The following SGCD variants were observed in gnomAD, a reference collection of about 807,000 sequenced individuals.
SGCD encodes sarcoglycan delta, also known as delta-sarcoglycan.
A neutral mutation model predicts 36.6 loss-of-function variants in SGCD; 18 were observed. The observed-to-expected ratio is 0.49, with a 90% CI of 0.34 to 0.73. The LOEUF (loss-of-function observed/expected upper bound fraction) is 0.73. Among genes scored for constraint, SGCD ranks in the 30% least tolerant of loss-of-function variants. SGCD has a pLI of 0.01. For missense variants in SGCD, 387 were observed against 346.7 expected (o/e 1.12, Z -0.92); for synonymous variants, 133 against 130.6 (o/e 1.02, Z -0.12).
intron 3 of SGCD, among the ~76,000 whole-genome samples, chr5:156,174,673 T>G (rs1206876598): frequency 6.6e-6 from 1 of 152,196 alleles, no homozygotes; most frequent in Non-Finnish European, 1.5e-5. Flanking sequence ...TTATGGTACA[T>G]AAAGTGAGGG....
chr5:156,076,913 A>G (rs1040249541), intron 1 of SGCD, among the ~76,000 whole-genome samples: 1 of 152,086 alleles, frequency 6.6e-6, no homozygotes, highest in Non-Finnish European at 1.5e-5. Context: ...AATTATTGCT[A>G]TTTCTTTGTT....
At chr5:156,138,278 G>A (rs936942866) in intron 3 of SGCD, among the ~76,000 whole-genome samples, 2 of 152,188 alleles carry the variant, frequency 1.3e-5, no homozygotes, top group Non-Finnish European at 2.9e-5. Context: ...GTGCATGCCT[G>A]TAATCCCAGC....
At chr5:156,640,111 A>T (rs912149855) in intron 6 of SGCD, among the ~76,000 whole-genome samples, 10 of 152,042 alleles carry the variant, frequency 6.6e-5, no homozygotes, top group African/African-American at 2.4e-4. Context: ...ACTTCATAGC[A>T]TTTACAACAG....
At chr5:155,844,159 G>A in the SGCD span, among the ~76,000 whole-genome samples, 2 of 152,092 alleles carry the variant, frequency 1.3e-5, no homozygotes, top group East Asian at 3.9e-4. Context: ...CTTATCTGAA[G>A]TTTGTATTGT....
the SGCD span, among the ~76,000 whole-genome samples, chr5:155,748,891 T>TGGTC: frequency 1.3e-5 from 2 of 152,212 alleles, no homozygotes; most frequent in Non-Finnish European, 2.9e-5. Context: ...CTGATCAAAC[T>TGGTC]GGTCCTCACA....
At chr5:155,963,047 G>C (rs1440085860) in intron 1 of SGCD, among the ~76,000 whole-genome samples, 1 of 152,084 alleles carries the variant, frequency 6.6e-6, no homozygotes, top group East Asian at 1.9e-4. Context: ...ATTTGGCTCT[G>C]AACTAAGTTG....
chr5:155,732,910 G>A, the SGCD span, among the ~76,000 whole-genome samples: 42 of 152,050 alleles, frequency 2.8e-4, no homozygotes, highest in South Asian at 2.1e-4. Flanking sequence ...AACTCCATGC[G>A]TGTTGCAGCC....
chr5:155,942,334 G>GTATGTATCTATCTATCTATC lies in SGCD; in HGVS notation c.-282+71913_-282+71914insGTATCTATCTATCTATCTAT, dbSNP rs779514666. Among the ~76,000 whole-genome samples the GTATGTATCTATCTATCTATC allele has an allele frequency of 7.4e-4, 103 of 138,490 alleles. 2 individuals are homozygous for GTATGTATCTATCTATCTATC. The highest frequency in any genetic ancestry group is 3.7e-3 in the East Asian group (17 of 4,562). 90.9% of individuals were successfully genotyped at this position (138,490 alleles called of 152,430 possible). On this transcript the variant is annotated intron_variant, in intron 1 of 9. Transcript: ENST00000517913. ...TGTATGTATGTATGTATGTATGTAT[G>GTATGTATCTATCTATCTATC]TATCTATCTATCTATCTATCTATCT...
At chr5:156,407,744 G>A (rs1772501158) in intron 3 of SGCD, among the ~76,000 whole-genome samples, 3 of 152,272 alleles carry the variant, frequency 2.0e-5, no homozygotes, top group South Asian at 4.1e-4. Flanking sequence ...AGGAGGAAGG[G>A]GAGTAAGTCT....
intron 1 of SGCD, among the ~76,000 whole-genome samples, chr5:155,943,363 A>G (rs925390413): frequency 2.0e-5 from 3 of 151,178 alleles, no homozygotes; most frequent in Non-Finnish European, 2.9e-5. Flanking sequence ...TATTGGTGAA[A>G]TTTAATTACT....
chr5:155,842,593 TA>T, the SGCD span, among the ~76,000 whole-genome samples: 1 of 151,464 alleles, frequency 6.6e-6, no homozygotes, highest in African/African-American at 2.4e-5. Flanking sequence ...AAAAAGTGAC[TA>T]AAATAAAGTT....
At chr5:156,013,022 G>A (rs140483705) in intron 1 of SGCD, among the ~76,000 whole-genome samples, 2 of 145,438 alleles carry the variant, frequency 1.4e-5, no homozygotes. Context: ...GGACATTTAG[G>A]TGTTTTTTTT....
intron 4 of SGCD, among the ~76,000 whole-genome samples, chr5:156,511,335 C>A (rs552415822): frequency 1.3e-5 from 2 of 152,282 alleles, no homozygotes; most frequent in African/African-American, 4.8e-5. Flanking sequence ...CATCACACAC[C>A]ACACCTTAGG....
At chr5:155,784,118 C>A in the SGCD span, among the ~76,000 whole-genome samples, 1 of 152,184 alleles carries the variant, frequency 6.6e-6, no homozygotes, top group African/African-American at 2.4e-5. Context: ...CCATATGCCA[C>A]GTAGGGACTG....
At chr5:155,828,999 A>G in the SGCD span, among the ~76,000 whole-genome samples, 1 of 151,856 alleles carries the variant, frequency 6.6e-6, no homozygotes, top group Non-Finnish European at 1.5e-5. Context: ...TATTATTATT[A>G]TATTATTCTA....
chr5:156,149,630 C>T (rs537737567), intron 3 of SGCD, among the ~76,000 whole-genome samples: 1 of 152,116 alleles, frequency 6.6e-6, no homozygotes, highest in Non-Finnish European at 1.5e-5. Flanking sequence ...TGGTTCTCAG[C>T]TGGAGGTCAC....
Position 156,359,885 on chromosome 5 carries a change from C to T in SGCD, c.192+15208C>T, listed in dbSNP as rs529221159. Among the ~76,000 whole-genome samples the T allele has an allele frequency of 1.2e-3, 182 of 152,302 alleles. 1 individual carries two copies. The highest frequency in any genetic ancestry group is 4.0e-3 in the Admixed American group (61 of 15,298). ...CTTTTCTGTCATATTGTATGAATCA[C>T]CTACTGAACTTAGAAAGGTTAAGAG... On this transcript the variant is annotated intron_variant, in intron 3 of 8. Coordinates refer to ENST00000337851, the MANE Select transcript of SGCD (RefSeq NM_000337.6).
rs76129990 is a variant in SGCD at position 156,206,354 on chromosome 5, C to T, written c.-44+82335C>T. 8.3e-3 allele frequency among the ~76,000 whole-genome samples: 1,262 copies of T among 151,898 alleles called. 22 individuals carry two copies. Among genetic ancestry groups the T allele is most frequent in the African/African-American group, 0.029 (1,205 of 41,458 alleles). ...GCACATGTTGCTTAATTATTGTGGA[C>T]ATATTTTTTTGGATAAAACACTAGA... On this transcript the variant is annotated intron_variant, in intron 3 of 9. Coordinates refer to the SGCD transcript ENST00000517913.
chr5:155,998,084 A>G (rs1263402653), intron 1 of SGCD, among the ~76,000 whole-genome samples: 1 of 152,246 alleles, frequency 6.6e-6, no homozygotes, highest in African/African-American at 2.4e-5. Flanking sequence ...CTAGTGTGTT[A>G]CAATGACAGG....
Sources: gnomAD v4.1 joint callset for allele counts (sites outside exome capture counted in the v4.1 genomes callset) on GRCh38, gnomAD v4.1.1 for gene constraint, MANE v1.5 for transcripts, NCBI Gene and HGNC (gene_info 2026-07-23, HGNC 2026-07-21) for gene names.